COL25A1: variants seen among roughly 807,000 people sequenced by gnomAD.
COL25A1 encodes collagen alpha-1(XXV) chain.
In COL25A1, 103 loss-of-function variants were observed where a neutral mutation model predicts 128.4. The ratio of observed to expected loss-of-function variants is 0.80; its 90% CI spans 0.68 to 0.94. The LOEUF is 0.94. COL25A1 is among the 40% of genes least tolerant of loss of function. COL25A1 has a pLI of 0.00. For synonymous variants in COL25A1, 279 were observed against 277.2 expected, an observed-to-expected ratio of 1.01 and a Z score of -0.06; for missense variants, 745 against 840.0, an observed-to-expected ratio of 0.89 and a Z score of 1.40.
At chr4:109,012,990 C>A (rs549821460) in intron 5 of COL25A1, among the ~76,000 whole-genome samples, 1 of 152,348 alleles carries the variant, frequency 6.6e-6, no homozygotes, top group Admixed American at 6.5e-5. Context: ...TGTATATGCA[C>A]CAATCAGCAC....
intron 6 of COL25A1, among the ~76,000 whole-genome samples, chr4:108,994,055 AT>A (rs1754499693): frequency 6.6e-6 from 1 of 152,126 alleles, no homozygotes; most frequent in Non-Finnish European, 1.5e-5. Context: ...AAGACAGATG[AT>A]TTCTGCATTT....
chr4:109,156,059 G>A (rs894686527), intron 3 of COL25A1, among the ~76,000 whole-genome samples: 8 of 152,160 alleles, frequency 5.3e-5, no homozygotes, highest in African/African-American at 1.7e-4. Flanking sequence ...GCAGAACTGA[G>A]CTGATGCTGT....
intron 3 of COL25A1, among the ~76,000 whole-genome samples, chr4:109,119,056 C>CAGAT (rs142012197): frequency 0.032 from 4,918 of 152,058 alleles, 142 homozygotes; most frequent in South Asian, 0.12. Flanking sequence ...AAATCAAAAA[C>CAGAT]AGCTAAAACA....
At chr4:109,290,255 T>C in intron 3 of COL25A1, among the ~76,000 whole-genome samples, 1 of 152,110 alleles carries the variant, frequency 6.6e-6, no homozygotes, top group South Asian at 2.1e-4. Context: ...TAAAAATAAA[T>C]GAACCTTTTT....
rs373143470 is a variant in COL25A1, at chr4:109,179,913, T to G, written c.367+120670A>C. 2.6e-5 allele frequency among the ~76,000 whole-genome samples: 4 copies of G among 152,362 alleles called. No individual in the cohort carries two copies. In the East Asian group the frequency reaches 7.7e-4, roughly 29 times the overall value. ...CAAAGACTGTAAAATCAGCCTATTA[T>G]GAAGAGATTTGCATATTTTAATTAT... On this transcript the variant is annotated intron_variant, in intron 3 of 37. Coordinates refer to ENST00000399132, the MANE Select transcript of COL25A1 (RefSeq NM_198721.4).
chr4:109,112,297 G>A (rs1364250953), intron 3 of COL25A1, among the ~76,000 whole-genome samples: 1 of 151,960 alleles, frequency 6.6e-6, no homozygotes, highest in African/African-American at 2.4e-5. Flanking sequence ...TCTTCTCCTG[G>A]GAAGTAGATG....
In COL25A1 at chr4:109,175,937, A is replaced by C. The variant is rs563965245; in HGVS notation, c.367+124646T>G. On this transcript the variant is annotated intron_variant, in intron 3 of 37. Coordinates refer to ENST00000399132, the MANE Select transcript of COL25A1 (RefSeq NM_198721.4). ...TCTTTTCCAGTAAGAGTTAAACCTTAACTTATAGTGAAGAATGTTGTTTGA... is the reference window on the plus strand; with the variant it reads ...TCTTTTCCAGTAAGAGTTAAACCTTCACTTATAGTGAAGAATGTTGTTTGA... 3.3e-5 allele frequency among the ~76,000 whole-genome samples: 5 copies of C among 152,348 alleles called. No homozygotes were observed. In the East Asian group the frequency reaches 9.6e-4, roughly 29 times the overall value.
chr4:108,904,437 A>C (rs538399284), intron 13 of COL25A1, among the ~76,000 whole-genome samples: 14 of 152,172 alleles, frequency 9.2e-5, no homozygotes, highest in Non-Finnish European at 1.8e-4. Flanking sequence ...AAACAACAAG[A>C]AGTCTTGCTG....
At chr4:108,907,514 G>T (rs1473159274) in intron 13 of COL25A1, among the ~76,000 whole-genome samples, 1 of 152,152 alleles carries the variant, frequency 6.6e-6, no homozygotes, top group Non-Finnish European at 1.5e-5. Flanking sequence ...TTTACTCCAT[G>T]AACTCACTAA....
chr4:109,273,778 CT>C (rs1398571705), intron 3 of COL25A1, among the ~76,000 whole-genome samples: 2 of 152,146 alleles, frequency 1.3e-5, no homozygotes, highest in Non-Finnish European at 2.9e-5. Context: ...AGCCTTACCC[CT>C]GAGCCTCAGT....
chr4:109,132,946 T>C (rs140448435), intron 3 of COL25A1, among the ~76,000 whole-genome samples: 3 of 152,256 alleles, frequency 2.0e-5, no homozygotes, highest in African/African-American at 4.8e-5. Flanking sequence ...ATTAGACTTA[T>C]GTATTCATTT....
chr4:109,135,851 G>A (rs1393638079), intron 3 of COL25A1, among the ~76,000 whole-genome samples: 1 of 152,174 alleles, frequency 6.6e-6, no homozygotes, highest in Non-Finnish European at 1.5e-5. Flanking sequence ...ACATGTGGTA[G>A]CTCTCTGACA....
intron 16 of COL25A1, among the ~76,000 whole-genome samples, chr4:108,891,985 A>AC (rs778657687): frequency 1.3e-5 from 2 of 150,282 alleles, no homozygotes; most frequent in Non-Finnish European, 3.0e-5. Context: ...ACTAAGGGTG[A>AC]TTTTTTTTTT....
chr4:109,103,828 T>C (rs1422879522), intron 3 of COL25A1, among the ~76,000 whole-genome samples: 1 of 152,152 alleles, frequency 6.6e-6, no homozygotes, highest in East Asian at 1.9e-4. Flanking sequence ...CTACAAAGTA[T>C]TGACATATTA....
chr4:108,931,170 T>C (rs1746688627), intron 11 of COL25A1, among the ~76,000 whole-genome samples: 1 of 152,214 alleles, frequency 6.6e-6, no homozygotes, highest in Non-Finnish European at 1.5e-5. Context: ...TGACTGTTCA[T>C]TGCTTTTAAT....
chr4:109,083,448 A>ATTTTTTTTTTTTTTTTTTTTTT (rs60165291), intron 3 of COL25A1, among the ~76,000 whole-genome samples: 2 of 77,010 alleles, frequency 2.6e-5, no homozygotes, highest in Non-Finnish European at 4.9e-5. Context: ...CACTAAATAA[A>ATTTTTTTTTTTTTTTTTTTTTT]TTTTTTTTTT....
At chr4:109,234,952 G>A (rs559653547) in intron 3 of COL25A1, among the ~76,000 whole-genome samples, 2 of 152,046 alleles carry the variant, frequency 1.3e-5, no homozygotes, top group Admixed American at 6.6e-5. Flanking sequence ...ACGCAAATCT[G>A]TGATTGCTGG....
At chr4:109,051,385 A>G (rs1760969393) in intron 3 of COL25A1, among the ~76,000 whole-genome samples, 1 of 152,176 alleles carries the variant, frequency 6.6e-6, no homozygotes, top group Admixed American at 6.5e-5. Flanking sequence ...ACAATTGAGC[A>G]ATAAAACCAA....
chr4:108,969,460 C>T (rs114070146), intron 8 of COL25A1, among the ~76,000 whole-genome samples: 5 of 152,298 alleles, frequency 3.3e-5, no homozygotes, highest in African/African-American at 1.2e-4. Flanking sequence ...AACAGTAACA[C>T]CATTTAATTA....
Sources: allele counts gnomAD v4.1 joint callset (sites outside exome capture counted in the v4.1 genomes callset), GRCh38; gene constraint gnomAD v4.1.1; transcripts MANE v1.5; gene names NCBI Gene and HGNC (gene_info 2026-07-23, HGNC 2026-07-21).